MAPK8IP1: variants seen among roughly 807,000 people sequenced by gnomAD.
MAPK8IP1 encodes the protein C-Jun-amino-terminal kinase-interacting protein 1.
MAPK8IP1 carries 17 observed loss-of-function variants against 72.6 expected under a neutral mutation model. That is an observed-to-expected ratio of 0.23 (90% CI 0.16 to 0.35). The LOEUF (loss-of-function observed/expected upper bound fraction) is 0.35, where lower values mean the gene tolerates loss of function less well. Among genes scored for constraint, MAPK8IP1 ranks in the 10% least tolerant of loss-of-function variants. The pLI, the probability that MAPK8IP1 is intolerant of heterozygous loss-of-function variation, is 1.00. For synonymous variants in MAPK8IP1, 401 were observed against 443.4 expected, an observed-to-expected ratio of 0.90 and a Z score of 1.20; for missense variants, 789 against 1,009.7, an observed-to-expected ratio of 0.78 and a Z score of 2.96.
In MAPK8IP1 at chr11:45,905,737, C is replaced by A. The variant is rs780187691; in HGVS notation, c.*16C>A. ...CCTGGAGTAGCTGTGCAGCCCCGCC[C>A]TCTGCGTCCCCCAGCCCTCAGGCCA... On this transcript the variant is annotated 3_prime_UTR_variant, in exon 12 of 12. Coordinates refer to ENST00000241014, the MANE Select transcript of MAPK8IP1 (RefSeq NM_005456.4). The A allele has an allele frequency of 1.9e-6, 3 of 1,611,478 alleles. No homozygotes were observed. Among genetic ancestry groups the A allele is most frequent in the Non-Finnish European group, 2.5e-6 (3 of 1,178,602 alleles).
At chr11:45,901,734 C>T (rs1440586147) in intron 3 of MAPK8IP1, among the ~76,000 whole-genome samples, 1 of 152,222 alleles carries the variant, frequency 6.6e-6, no homozygotes, top group Non-Finnish European at 1.5e-5. Flanking sequence ...ATAAGAGCAT[C>T]TCCCTGAGGG....
chr11:45,900,306 C>T lies in MAPK8IP1; in HGVS notation c.376C>T (p.Pro126Ser). 1.5e-6 allele frequency: 2 copies of T among 1,351,670 alleles called. No homozygotes were observed. The highest frequency in any genetic ancestry group is 1.9e-6 in the Non-Finnish European group (2 of 1,058,306). 83.7% of individuals were successfully genotyped at this position (1,351,670 alleles called of 1,614,324 possible). Residue 126 changes from proline to serine, a missense_variant, in exon 3 of 12, where the codon CCG (proline) becomes TCG (serine). Pro to Ser is a moderately conservative substitution (Grantham distance 74). Coordinates refer to ENST00000241014, the MANE Select transcript of MAPK8IP1 (RefSeq NM_005456.4). This position sits in a 1 kb window ranked among gnomAD's most constrained non-coding sequence, Gnocchi z 6.5. ...CGCGGCCCGGCGGCCGGGAGCGGGG[C>T]CGCCCAAGGCCGAGTCCGGCCAGGA... is the stretch of plus-strand genomic sequence containing the variant. ...ERAARRPGAGPPKAESGQEPA... is the reference protein window; with the variant it reads ...ERAARRPGAGSPKAESGQEPA...
intron 11 of MAPK8IP1, 36 bp downstream of exon 11, chr11:45,905,285 G>A (rs907071324): frequency 3.8e-6 from 6 of 1,578,184 alleles, no homozygotes; most frequent in African/African-American, 2.7e-5. Flanking sequence ...CAGCCCGAGG[G>A]AGCACGCCCA....
chr11:45,886,595 T>G (rs1411478482), intron 1 of MAPK8IP1, among the ~76,000 whole-genome samples: 2 of 152,182 alleles, frequency 1.3e-5, no homozygotes, highest in Non-Finnish European at 2.9e-5. Context: ...GGATCCCTGC[T>G]GGGGTAAATA....
rs769974831 is a variant in MAPK8IP1, at chr11:45,902,730, G to A, written c.963G>A (p.Thr321=). ...CAGACCCTGCCGCCTACCCCTCCAC[G>A]GCAGGGCGGCCGCACCCCTCCATCA... ...SDPDPAAYPS[T]AGRPHPSISE... Residue 321 remains threonine (T), a synonymous_variant, in exon 5 of 12, where the codon ACG becomes ACA. Transcript: ENST00000241014. The surrounding 1 kb of genome is among the most constrained non-coding windows in gnomAD (Gnocchi z 9.3). The A allele has an allele frequency of 4.4e-6, 7 of 1,606,484 alleles. No individual in the cohort carries two copies. Among genetic ancestry groups the A allele is most frequent in the Admixed American group, 1.7e-5 (1 of 59,836 alleles).
At chr11:45,893,558 T>G (rs984446504) in intron 1 of MAPK8IP1, among the ~76,000 whole-genome samples, 3 of 152,170 alleles carry the variant, frequency 2.0e-5, no homozygotes, top group Non-Finnish European at 4.4e-5. Flanking sequence ...TTAATATGGA[T>G]GACGTCTCAA....
At chr11:45,898,827 G>T (rs1479152418) in intron 2 of MAPK8IP1, among the ~76,000 whole-genome samples, 1 of 152,212 alleles carries the variant, frequency 6.6e-6, no homozygotes, top group African/African-American at 2.4e-5. Flanking sequence ...CTGCCAGGAG[G>T]TCCCCAGCAC....
Position 45,906,352 on chromosome 11 carries a change from T to C in MAPK8IP1, c.*631T>C, listed in dbSNP as rs948515535. ...AGGACCTCAGGCGGGGAGGAGGAGC[T>C]GCCGCAAGGCCCTGTCCCAGCAGAA... is the stretch of plus-strand genomic sequence containing the variant. On this transcript the variant is annotated 3_prime_UTR_variant, in exon 12 of 12. Transcript: ENST00000241014. 50 of 508,164 alleles carry C rather than the reference T, an allele frequency of 9.8e-5. No individual in the cohort carries two copies. The highest frequency in any genetic ancestry group is 1.2e-4 in the Non-Finnish European group (39 of 313,788). 31.5% of individuals were successfully genotyped at this position (508,164 alleles called of 1,614,324 possible).
At position 45,904,569 on chromosome 11, in the gene MAPK8IP1, C is replaced by T. The variant is rs1212981015; in HGVS notation, c.1776+5C>T. The stretch of plus-strand genomic sequence containing the variant: ...CTCTGTGCTGCTATGCAAAAGGTAC[C>T]TGAGCCCTCTCCCTTCTCCTCCCTT... On this transcript the variant is annotated splice_donor_5th_base_variant and intron_variant, in intron 8 of 11. Coordinates refer to ENST00000241014, the MANE Select transcript of MAPK8IP1 (RefSeq NM_005456.4). The surrounding 1 kb of genome is among the most constrained non-coding windows in gnomAD (Gnocchi z 6.4). The T allele has an allele frequency of 6.2e-7, 1 of 1,613,584 alleles. No individual in the cohort carries two copies. Among genetic ancestry groups the T allele is most frequent in the African/African-American group, 1.3e-5 (1 of 75,028 alleles).
rs1031999968 is a variant in MAPK8IP1 at position 45,903,665 on chromosome 11, G to T, written c.1493+225G>T. Among the ~76,000 whole-genome samples the T allele has an allele frequency of 6.6e-6, 1 of 152,120 alleles. No homozygotes were observed. Among genetic ancestry groups the T allele is most frequent in the Non-Finnish European group, 1.5e-5 (1 of 68,024 alleles). On this transcript the variant is annotated intron_variant, in intron 6 of 11. Coordinates refer to ENST00000241014, the MANE Select transcript of MAPK8IP1 (RefSeq NM_005456.4). This position sits in a 1 kb window ranked among gnomAD's most constrained non-coding sequence, Gnocchi z 6.4. ...GAACTGTGCACCTAGTCTGGCCAGG[G>T]GCAGGGCACCCAGGAGGGTGACCAG... is the stretch of plus-strand genomic sequence containing the variant.
At chr11:45,897,921 C>T (rs2086620547) in intron 1 of MAPK8IP1, among the ~76,000 whole-genome samples, 164 bp from the exon 2 acceptor site, 2 of 152,234 alleles carry the variant, frequency 1.3e-5, no homozygotes, top group Non-Finnish European at 2.9e-5. Flanking sequence ...TCGCTCTTTC[C>T]CTGCCTGCTG....
intron 11 of MAPK8IP1, 118 bp downstream of exon 11, chr11:45,905,367 A>G (rs1363092646): frequency 1.9e-5 from 19 of 995,080 alleles, no homozygotes; most frequent in South Asian, 4.1e-5. Flanking sequence ...CTGGAGAACT[A>G]TCTCCGGACC....
chr11:45,887,953 T>G (rs2086540194), intron 1 of MAPK8IP1, among the ~76,000 whole-genome samples: 1 of 152,228 alleles, frequency 6.6e-6, no homozygotes, highest in Non-Finnish European at 1.5e-5. Context: ...TTGTGGCTCT[T>G]TGGTGGAGTC....
In MAPK8IP1 at chr11:45,903,843, CT is replaced by C; in HGVS notation, c.1494-145del. ...CATGTCTGCTTGACCTTGCTCTCCCCTGGGGTTAGTACTGCAACAGGCACAC... is the reference window on the plus strand; with the variant it reads ...CATGTCTGCTTGACCTTGCTCTCCCCGGGGTTAGTACTGCAACAGGCACAC... On this transcript the variant is annotated intron_variant, in intron 6 of 11. Coordinates refer to ENST00000241014, the MANE Select transcript of MAPK8IP1 (RefSeq NM_005456.4). This position sits in a 1 kb window ranked among gnomAD's most constrained non-coding sequence, Gnocchi z 6.4. The C allele has an allele frequency of 1.3e-6, 1 of 786,300 alleles. No individual in the cohort carries two copies. The highest frequency in any genetic ancestry group is 2.2e-6 in the Non-Finnish European group (1 of 452,068). The allele number at this position is 786,300 out of a possible 1,614,324, so 48.7% of individuals were successfully genotyped here. A position where few individuals can be genotyped will look rare whatever the true frequency, so the allele number is the denominator to read the frequency against.
Position 45,903,827 on chromosome 11 carries a change from T to G in MAPK8IP1, c.1494-162T>G, listed in dbSNP as rs1195719871. 6.6e-6 allele frequency among the ~76,000 whole-genome samples: 1 copy of G among 152,184 alleles called. No homozygotes were observed. The highest frequency in any genetic ancestry group is 1.5e-5 in the Non-Finnish European group (1 of 68,026). ...TCCTCGATGGCAGATGCATGTCTGC[T>G]TGACCTTGCTCTCCCCTGGGGTTAG... On this transcript the variant is annotated intron_variant, in intron 6 of 11. Coordinates refer to ENST00000241014, the MANE Select transcript of MAPK8IP1 (RefSeq NM_005456.4). This position sits in a 1 kb window ranked among gnomAD's most constrained non-coding sequence, Gnocchi z 6.4.
intron 1 of MAPK8IP1, among the ~76,000 whole-genome samples, chr11:45,897,324 G>A (rs937905016): frequency 1.3e-5 from 2 of 152,088 alleles, no homozygotes; most frequent in African/African-American, 4.8e-5. Flanking sequence ...GGCCTAGGGA[G>A]AGGGGGGTTC....
Position 45,900,140 on chromosome 11 carries a change from C to G in MAPK8IP1, c.210C>G (p.Pro70=), listed in dbSNP as rs906930118. The change falls in exon 3 of 12, where the codon CCC becomes CCG. Residue 70 remains proline, a splice_region_variant and synonymous_variant. Coordinates refer to ENST00000241014, the MANE Select transcript of MAPK8IP1 (RefSeq NM_005456.4). This position sits in a 1 kb window ranked among gnomAD's most constrained non-coding sequence, Gnocchi z 6.5. ...LQCKDTLSLR[P]PRAGLLSAGG... is the part of the protein sequence containing the mutation. Reference sequence around the variant, plus strand: ...ACGCCCCTCCGTGCGCTGTGCAGCCCCCGCGCGCCGGGCTGCTCTCTGCGG... The same window carrying G: ...ACGCCCCTCCGTGCGCTGTGCAGCCGCCGCGCGCCGGGCTGCTCTCTGCGG... The G allele has an allele frequency of 3.1e-6, 4 of 1,276,310 alleles. No individual in the cohort carries two copies. Among genetic ancestry groups the G allele is most frequent in the Admixed American group, 4.3e-5 (1 of 23,048 alleles). 79.1% of individuals were successfully genotyped at this position (1,276,310 alleles called of 1,614,324 possible).
chr11:45,886,280 C>T (rs972774120), intron 1 of MAPK8IP1, among the ~76,000 whole-genome samples: 38 of 152,222 alleles, frequency 2.5e-4, no homozygotes, highest in Non-Finnish European at 2.9e-5. Context: ...TGCATCTTAG[C>T]CTGTGAATAG....
rs141186128 is a variant in MAPK8IP1 at position 45,904,102 on chromosome 11, G to A, written c.1607G>A (p.Arg536Gln). ...GCCTACAACATGCGCACTGGTGCCC[G>A]GGGTGTCTTTCCTGCCTATTACGCC... ...YEAYNMRTGARGVFPAYYAIE... is the reference protein window; with the variant it reads ...YEAYNMRTGAQGVFPAYYAIE... Residue 536 changes from arginine to glutamine, a missense_variant, in exon 7 of 12, where the codon CGG (arginine) becomes CAG (glutamine). Coordinates refer to ENST00000241014, the MANE Select transcript of MAPK8IP1 (RefSeq NM_005456.4). This position sits in a 1 kb window ranked among gnomAD's most constrained non-coding sequence, Gnocchi z 6.4. 21 of 1,613,944 alleles carry A rather than the reference G, an allele frequency of 1.3e-5. No homozygotes were observed. Among genetic ancestry groups the A allele is most frequent in the African/African-American group, 5.3e-5 (4 of 74,888 alleles).
Sources: allele counts gnomAD v4.1 joint callset (sites outside exome capture counted in the v4.1 genomes callset), GRCh38; gene constraint gnomAD v4.1.1; non-coding constraint Gnocchi (gnomAD v3.1); transcripts MANE v1.5; gene names NCBI Gene and HGNC (gene_info 2026-07-23, HGNC 2026-07-21).